Variants in CNBD1 observed in about 807,000 individuals in gnomAD.
CNBD1 encodes cyclic nucleotide-binding domain-containing protein 1.
A neutral mutation model predicts 54.4 loss-of-function variants in CNBD1; 71 were observed. The observed-to-expected ratio is 1.30, with a 90% CI of 1.08 to 1.59. CNBD1 has a LOEUF of 1.59. Among genes scored for constraint, CNBD1 ranks in the 40% most tolerant of loss-of-function variants. The pLI is 0.00. For missense variants in CNBD1, 659 were observed against 518.0 expected (o/e 1.27, Z -2.64); for synonymous variants, 182 against 170.7 (o/e 1.07, Z -0.51).
intron 4 of CNBD1, among the ~76,000 whole-genome samples, chr8:87,009,907 G>A (rs899896572): frequency 2.6e-5 from 4 of 152,050 alleles, no homozygotes; most frequent in Non-Finnish European, 5.9e-5. Context: ...ATCTTCAGGT[G>A]GCCTTTGCTG....
chr8:87,132,028 T>C (rs936034870), intron 4 of CNBD1, among the ~76,000 whole-genome samples: 4 of 152,042 alleles, frequency 2.6e-5, no homozygotes, highest in African/African-American at 9.7e-5. Context: ...TGTAGCACTT[T>C]AAACATTGCT....
chr8:87,278,778 T>A (rs767847189), intron 6 of CNBD1, among the ~76,000 whole-genome samples: 11 of 151,458 alleles, frequency 7.3e-5, no homozygotes, highest in Admixed American at 5.9e-4. Context: ...ATTAGCTGAC[T>A]GTATAAATCA....
rs1563463290 is a variant in CNBD1 at position 87,087,246 on chromosome 8, C to CGTATATATATAT, written c.432-118746_432-118735dup. Among the ~76,000 whole-genome samples the CGTATATATATAT allele has an allele frequency of 2.3e-5, 3 of 133,090 alleles. No individual in the cohort carries two copies. The East Asian group carries it at 6.3e-4, about 28-fold the overall frequency. The allele number at this position is 133,090 out of a possible 152,430, so 87.3% of individuals were successfully genotyped here. ...CTACACACACACACATATATATATA[C>CGTATATATATAT]GTATATATATATATACATATATATA... On this transcript the variant is annotated intron_variant, in intron 4 of 10. Transcript: ENST00000518476.
intron 5 of CNBD1, among the ~76,000 whole-genome samples, chr8:87,213,881 C>T (rs541889926): frequency 6.6e-6 from 1 of 152,302 alleles, no homozygotes; most frequent in African/African-American, 2.4e-5. Flanking sequence ...TTTCTTACTT[C>T]CTAGATACAA....
At chr8:87,251,810 T>C (rs1228953902) in intron 6 of CNBD1, among the ~76,000 whole-genome samples, 1 of 152,178 alleles carries the variant, frequency 6.6e-6, no homozygotes, top group Non-Finnish European at 1.5e-5. Context: ...TTACACTGGC[T>C]GGGTCTCAGA....
At chr8:87,077,414 T>TC (rs201189669) in intron 4 of CNBD1, among the ~76,000 whole-genome samples, 2,576 of 132,616 alleles carry the variant, frequency 0.019, 29 homozygotes, top group Non-Finnish European at 0.03. Context: ...TTCTTCTTCT[T>TC]TTTTTTTTTT....
chr8:87,228,784 A>T (rs952610100), intron 5 of CNBD1, among the ~76,000 whole-genome samples: 1 of 152,020 alleles, frequency 6.6e-6, no homozygotes, highest in African/African-American at 2.4e-5. Flanking sequence ...TCGAGCTTCC[A>T]GGCTGTGTTG....
Position 87,426,666 on chromosome 8 carries a change from C to T in CNBD1, c.214-1880C>T, listed in dbSNP as rs374952293. Among the ~76,000 whole-genome samples, 38 of 152,224 alleles carry T rather than the reference C, an allele frequency of 2.5e-4. 1 individual carries two copies. The South Asian group carries it at 6.0e-3, about 24-fold the overall frequency. Reference sequence around the variant, plus strand: ...ATTTCTCATTTGTAAAATTGTGGCGCGGCTACCTATCTGGTAGCAATTTCT... The same window carrying T: ...ATTTCTCATTTGTAAAATTGTGGCGTGGCTACCTATCTGGTAGCAATTTCT... On this transcript the variant is annotated intron_variant, in intron 2 of 7. Transcript: ENST00000521593.
At chr8:87,304,145 C>T (rs897935330) in intron 8 of CNBD1, among the ~76,000 whole-genome samples, 11 of 151,748 alleles carry the variant, frequency 7.2e-5, no homozygotes, top group African/African-American at 2.7e-4. Flanking sequence ...GGTATATACC[C>T]AAAGGACTAT....
At chr8:87,081,779 T>C (rs887545681) in intron 4 of CNBD1, among the ~76,000 whole-genome samples, 6 of 152,136 alleles carry the variant, frequency 3.9e-5, no homozygotes, top group African/African-American at 1.2e-4. Context: ...GTGCTGGGAT[T>C]ACATGCATGA....
At chr8:86,983,141 A>G (rs1391212745) in intron 4 of CNBD1, among the ~76,000 whole-genome samples, 2 of 152,064 alleles carry the variant, frequency 1.3e-5, no homozygotes, top group Non-Finnish European at 2.9e-5. Context: ...ATGGGGAGGT[A>G]ATTGTATCAT....
At chr8:87,357,608 G>A (rs1030697374) in intron 10 of CNBD1, among the ~76,000 whole-genome samples, 88 of 152,128 alleles carry the variant, frequency 5.8e-4, no homozygotes, top group African/African-American at 2.1e-3. Flanking sequence ...ACTGTATCTT[G>A]GAAATTAATA....
intron 2 of CNBD1, among the ~76,000 whole-genome samples, chr8:87,424,690 G>A (rs180824649): frequency 2.4e-4 from 36 of 152,260 alleles, no homozygotes; most frequent in Admixed American, 9.8e-4. Context: ...CAAGAGATCC[G>A]CTGTTAGTCT....
intron 2 of CNBD1, among the ~76,000 whole-genome samples, chr8:87,395,514 G>A (rs1049258567): frequency 6.6e-6 from 1 of 151,780 alleles, no homozygotes; most frequent in Admixed American, 6.6e-5. Context: ...GTAGTTCTGA[G>A]TATAATAGAA....
intron 4 of CNBD1, among the ~76,000 whole-genome samples, chr8:86,996,294 G>A (rs1281238598): frequency 1.3e-5 from 2 of 152,106 alleles, no homozygotes; most frequent in Non-Finnish European, 2.9e-5. Context: ...CACCAGGATT[G>A]TAAACTTCTT....
chr8:87,158,253 C>T (rs973235638), intron 4 of CNBD1, among the ~76,000 whole-genome samples: 3 of 152,026 alleles, frequency 2.0e-5, no homozygotes, highest in Non-Finnish European at 2.9e-5. Context: ...CCTCCATTTC[C>T]TTGTTTGCTA....
intron 8 of CNBD1, among the ~76,000 whole-genome samples, chr8:87,319,150 T>C (rs945923476): frequency 6.6e-6 from 1 of 152,070 alleles, no homozygotes; most frequent in Non-Finnish European, 1.5e-5. Context: ...TGAAGGATAT[T>C]GATTGATAAT....
At position 86,894,219 on chromosome 8, in the gene CNBD1, G is replaced by A. The variant is rs559268018; in HGVS notation, c.158+6608G>A. Among the ~76,000 whole-genome samples, 339 of 148,638 alleles carry A rather than the reference G, an allele frequency of 2.3e-3. 2 individuals are homozygous for A. Among genetic ancestry groups the A allele is most frequent in the Non-Finnish European group, 3.9e-3 (263 of 66,944 alleles). On this transcript the variant is annotated intron_variant, in intron 2 of 10. Coordinates refer to ENST00000518476, the MANE Select transcript of CNBD1 (RefSeq NM_173538.3). ...TGGGACTACAGGCGCCCGCCACCGCGCCCGGCTAATTTTTTGTATTTTTAG... is the reference window on the plus strand; with the variant it reads ...TGGGACTACAGGCGCCCGCCACCGCACCCGGCTAATTTTTTGTATTTTTAG...
rs971658386 is a variant in CNBD1, at chr8:87,240,623, A to T, written c.771+3511A>T. Reference sequence around the variant, plus strand: ...ATCCAGCAGTGGGAAGAATAGTTTAAATTGGTCTATTCCCCTTTCTTACTT... The same window carrying T: ...ATCCAGCAGTGGGAAGAATAGTTTATATTGGTCTATTCCCCTTTCTTACTT... On this transcript the variant is annotated intron_variant, in intron 6 of 10. Transcript: ENST00000518476. Among the ~76,000 whole-genome samples, 17 of 152,302 alleles carry T rather than the reference A, an allele frequency of 1.1e-4. No individual in the cohort carries two copies. In the East Asian group the frequency reaches 2.9e-3, roughly 26 times the overall value.
Sources: allele counts gnomAD v4.1 joint callset (sites outside exome capture counted in the v4.1 genomes callset), GRCh38; gene constraint gnomAD v4.1.1; transcripts MANE v1.5; gene names NCBI Gene and HGNC (gene_info 2026-07-23, HGNC 2026-07-21).